The following RP1 variants were observed in gnomAD, a reference collection of about 807,000 sequenced individuals.
RP1 encodes oxygen-regulated protein 1.
Under a neutral mutation model 14.8 loss-of-function variants are expected in RP1, and 16 were observed. That is an observed-to-expected ratio of 1.08 (90% confidence interval 0.73 to 1.65). The LOEUF (loss-of-function observed/expected upper bound fraction) is 1.65, where lower values mean the gene tolerates loss of function less well. Among genes scored for constraint, RP1 ranks in the 40% most tolerant of loss-of-function variants. The pLI is 0.00. For missense variants in RP1, 2,631 were observed against 2,535.0 expected, an observed-to-expected ratio of 1.04 and a Z score of -0.81; for synonymous variants, 876 against 883.6, an observed-to-expected ratio of 0.99 and a Z score of 0.15.
At chr8:54,737,174 A>G (rs1347388165) in intron 18 of RP1, among the ~76,000 whole-genome samples, 4 of 152,138 alleles carry the variant, frequency 2.6e-5, no homozygotes, top group Non-Finnish European at 5.9e-5. Flanking sequence ...TAGACAAATG[A>G]CTTAACCTGT....
chr8:54,576,767 G>A (rs993438303), intron 1 of RP1, among the ~76,000 whole-genome samples: 1 of 152,198 alleles, frequency 6.6e-6, no homozygotes, highest in African/African-American at 2.4e-5. Context: ...TCCACTTTGG[G>A]TCTGGAAATT....
chr8:54,710,619 G>T (rs1351675388), intron 15 of RP1, among the ~76,000 whole-genome samples: 2 of 152,234 alleles, frequency 1.3e-5, no homozygotes, highest in Non-Finnish European at 2.9e-5. Flanking sequence ...GAAGGATGGT[G>T]AATGTGGAGA....
intron 25 of RP1, among the ~76,000 whole-genome samples, chr8:54,848,157 G>C (rs896573805): frequency 6.6e-6 from 1 of 152,080 alleles, no homozygotes. Flanking sequence ...TCAGATATCT[G>C]GTGCAGGCAT....
At chr8:54,691,940 A>G (rs1249207988) in intron 12 of RP1, among the ~76,000 whole-genome samples, 1 of 151,898 alleles carries the variant, frequency 6.6e-6, no homozygotes, top group Non-Finnish European at 1.5e-5. Context: ...AGCATTAGGT[A>G]TATCTCCTAA....
intron 24 of RP1, among the ~76,000 whole-genome samples, chr8:54,789,803 C>G (rs1486319744): frequency 6.6e-6 from 1 of 152,194 alleles, no homozygotes. Context: ...TCCTCACTGA[C>G]TGTGGAGCAC....
chr8:54,775,847 C>T (rs1211452650), intron 23 of RP1, among the ~76,000 whole-genome samples: 1 of 152,168 alleles, frequency 6.6e-6, no homozygotes, highest in Admixed American at 6.5e-5. Context: ...GAATTTCTCT[C>T]CTAATGACCA....
intron 24 of RP1, among the ~76,000 whole-genome samples, chr8:54,801,446 A>G (rs910561961): frequency 6.6e-6 from 1 of 151,950 alleles, no homozygotes; most frequent in Admixed American, 6.6e-5. Context: ...CTTTTTTTTC[A>G]TGGTGCCCTT....
intron 1 of RP1, among the ~76,000 whole-genome samples, chr8:54,584,234 A>G (rs1291580089): frequency 1.3e-5 from 2 of 152,130 alleles, no homozygotes; most frequent in African/African-American, 4.8e-5. Flanking sequence ...GAACATCTTT[A>G]TTTCTGTCTT....
Position 54,627,947 on chromosome 8 carries a change from C to T in RP1, c.4065C>T (p.Asn1355=), listed in dbSNP as rs1258631469. 4.3e-6 allele frequency: 7 copies of T among 1,614,020 alleles called. No individual in the cohort carries two copies. The South Asian group carries it at 7.7e-5, about 18-fold the overall frequency. Residue 1355 remains asparagine, a synonymous_variant, in exon 4 of 4, where the codon AAC becomes AAT. Coordinates refer to ENST00000220676, the MANE Select transcript of RP1 (RefSeq NM_006269.2). ...LNSKENTYTD[N]LDSTEELERG... is the part of the protein sequence containing the mutation. The stretch of plus-strand genomic sequence containing the variant: ...CCAAAGAAAACACATATACTGATAA[C>T]TTGGATTCAACTGAAGAGTTAGAAA...
intron 18 of RP1, among the ~76,000 whole-genome samples, chr8:54,738,466 G>A (rs1487255945): frequency 1.3e-5 from 2 of 152,020 alleles, no homozygotes; most frequent in African/African-American, 4.8e-5. Context: ...CTTAACCTAG[G>A]TATCATCAAA....
intron 13 of RP1, among the ~76,000 whole-genome samples, chr8:54,699,811 T>G (rs1807968727): frequency 6.6e-6 from 1 of 152,154 alleles, no homozygotes; most frequent in Admixed American, 6.6e-5. Context: ...TTTAATGAGC[T>G]TTCAAAAGAA....
chr8:54,778,500 T>G (rs1585684374), intron 23 of RP1, among the ~76,000 whole-genome samples: 2 of 152,068 alleles, frequency 1.3e-5, no homozygotes, highest in Middle Eastern at 6.8e-3. Flanking sequence ...AATTTTTGTA[T>G]TTTTAGTAGA....
intron 3 of RP1, among the ~76,000 whole-genome samples, chr8:54,639,446 T>C (rs981876289): frequency 3.9e-5 from 6 of 152,164 alleles, no homozygotes; most frequent in African/African-American, 1.2e-4. Context: ...AGGAGTGAGA[T>C]TGCTAGCTTT....
At chr8:54,603,473 G>A (rs201368866) in intron 1 of RP1, among the ~76,000 whole-genome samples, 5 of 152,038 alleles carry the variant, frequency 3.3e-5, no homozygotes, top group East Asian at 1.9e-4. Context: ...AGGTAGCGTG[G>A]TGCCTCCAGC....
intron 1 of RP1, among the ~76,000 whole-genome samples, chr8:54,609,837 T>C (rs894651519): frequency 1.3e-5 from 2 of 152,190 alleles, no homozygotes; most frequent in African/African-American, 4.8e-5. Context: ...TGCATTATAT[T>C]CCATCTCCCT....
At chr8:54,793,052 G>C (rs1810504123) in intron 24 of RP1, among the ~76,000 whole-genome samples, 1 of 151,788 alleles carries the variant, frequency 6.6e-6, no homozygotes, top group South Asian at 2.1e-4. Flanking sequence ...AGACTGCTAT[G>C]AACTATTATG....
At chr8:54,697,484 G>A (rs1315406530) in intron 12 of RP1, among the ~76,000 whole-genome samples, 1 of 152,168 alleles carries the variant, frequency 6.6e-6, no homozygotes, top group East Asian at 1.9e-4. Context: ...GAACCTGGGA[G>A]GCAGATGCTG....
At chr8:54,786,585 G>A (rs756366771) in intron 24 of RP1, among the ~76,000 whole-genome samples, 42 of 151,930 alleles carry the variant, frequency 2.8e-4, no homozygotes, top group East Asian at 7.7e-4. Context: ...AATGTTCGTC[G>A]TTTTCATTGA....
intron 12 of RP1, chr8:54,697,120 C>T (rs1807886868): frequency 5.6e-6 from 8 of 1,419,268 alleles, no homozygotes; most frequent in Non-Finnish European, 6.8e-6. Context: ...TCAATCAGCT[C>T]ATCTAGACCT....
Sources: gnomAD v4.1 joint callset for allele counts (sites outside exome capture counted in the v4.1 genomes callset) on GRCh38, gnomAD v4.1.1 for gene constraint, MANE v1.5 for transcripts, NCBI Gene and HGNC (gene_info 2026-07-23, HGNC 2026-07-21) for gene names.